The following IL1RAP variants were observed in gnomAD, a reference collection of about 807,000 sequenced individuals.
The protein encoded by IL1RAP is interleukin 1 receptor accessory protein, also known as interleukin-1 receptor accessory protein.
In IL1RAP, 35 loss-of-function variants were observed where a neutral mutation model predicts 60.7. The observed-to-expected ratio is 0.58, with a 90% CI of 0.44 to 0.76. IL1RAP has a LOEUF of 0.76. Among genes scored for constraint, IL1RAP ranks in the 30% least tolerant of loss-of-function variants. IL1RAP has a pLI of 0.00. For missense variants in IL1RAP, 572 were observed against 693.9 expected, an observed-to-expected ratio of 0.82 and a Z score of 1.97; for synonymous variants, 268 against 250.9, an observed-to-expected ratio of 1.07 and a Z score of -0.64.
In IL1RAP at chr3:190,609,009, G is replaced by A. The variant is rs1462324618; in HGVS notation, c.365G>A (p.Cys122Tyr). The change falls in exon 5 of 12, where the codon TGC becomes TAC. Residue 122 changes from cysteine (C) to tyrosine (Y), a missense_variant. Transcript: ENST00000447382. ...YTCMLRNTTY[C>Y]SKVAFPLEVV... ...TCTTTTTTCAGGAACACTACATATT[G>A]CAGCAAAGTTGCATTTCCCTTGGAA... is the stretch of plus-strand genomic sequence containing the variant. 6.2e-7 allele frequency: 1 copy of A among 1,612,604 alleles called. No homozygotes were observed.
chr3:190,601,392 A>G (rs149996832), intron 3 of IL1RAP, among the ~76,000 whole-genome samples: 1 of 152,372 alleles, frequency 6.6e-6, no homozygotes, highest in East Asian at 1.9e-4. Flanking sequence ...ACAAGTGTGC[A>G]TTGATGTGAA....
chr3:190,597,575 C>T (rs1433861632), intron 3 of IL1RAP, among the ~76,000 whole-genome samples: 1 of 152,142 alleles, frequency 6.6e-6, no homozygotes, highest in African/African-American at 2.4e-5. Context: ...CTGGGGATTT[C>T]AGGCTCTACA....
chr3:190,558,507 T>A lies in IL1RAP; in HGVS notation c.-2+2291T>A, dbSNP rs147820621. Among the ~76,000 whole-genome samples the A allele has an allele frequency of 3.9e-3, 587 of 152,302 alleles. 1 individual carries two copies. The highest frequency in any genetic ancestry group is 0.014 in the Middle Eastern group (4 of 294). ...AAAGGTGTATTGTGGTATCTCCTTG[T>A]GGTTTTAATTTGCATTTCCCTGATG... is the stretch of plus-strand genomic sequence containing the variant. On this transcript the variant is annotated intron_variant, in intron 2 of 11. Coordinates refer to ENST00000447382, the MANE Select transcript of IL1RAP (RefSeq NM_002182.4).
intron 3 of IL1RAP, among the ~76,000 whole-genome samples, chr3:190,589,264 C>T (rs543321335): frequency 1.1e-4 from 17 of 152,290 alleles, no homozygotes; most frequent in Middle Eastern, 6.8e-3. Context: ...CCACTAAAAA[C>T]CTAGCCACTC....
intron 3 of IL1RAP, among the ~76,000 whole-genome samples, chr3:190,566,418 G>A (rs914022400): frequency 3.3e-5 from 5 of 152,106 alleles, no homozygotes; most frequent in African/African-American, 4.8e-5. Flanking sequence ...GCTAATGAGT[G>A]CTGGTGCCTT....
In IL1RAP at chr3:190,643,245, A is replaced by G. The variant is rs990249098; in HGVS notation, c.1052-1003A>G. On this transcript the variant is annotated intron_variant, in intron 9 of 11. Transcript: ENST00000447382. ...CAGGTTTCAATAAAAATTTTATTCTATAAAAGCTTATATAAAATAATGATA... is the reference window on the plus strand; with the variant it reads ...CAGGTTTCAATAAAAATTTTATTCTGTAAAAGCTTATATAAAATAATGATA... 5.3e-5 allele frequency among the ~76,000 whole-genome samples: 8 copies of G among 152,210 alleles called. No homozygotes were observed. In the East Asian group the frequency reaches 1.2e-3, roughly 22 times the overall value.
chr3:190,629,285 T>G, intron 8 of IL1RAP, 65 bp from the exon 9 acceptor site: 1 of 1,224,288 alleles, frequency 8.2e-7, no homozygotes, highest in Non-Finnish European at 1.1e-6. Flanking sequence ...CTTGTCTGAT[T>G]CCTACACAGT....
intron 5 of IL1RAP, among the ~76,000 whole-genome samples, chr3:190,616,882 T>C (rs774380972): frequency 1.3e-5 from 2 of 152,186 alleles, no homozygotes; most frequent in African/African-American, 2.4e-5. Context: ...CACGCAGATA[T>C]GGAACTTAAA....
At chr3:190,524,513 G>A (rs1722344350) in intron 1 of IL1RAP, among the ~76,000 whole-genome samples, 1 of 152,134 alleles carries the variant, frequency 6.6e-6, no homozygotes, top group Admixed American at 6.5e-5. Flanking sequence ...TACGTATGAT[G>A]TAAGGAAGGG....
rs763802602 is a variant in IL1RAP, at chr3:190,604,320, G to A, written c.257G>A (p.Arg86His). ...DRDLEEPINF[R>H]LPENRISKEK... ...GACCTTGAGGAGCCAATTAACTTCC[G>A]CCTCCCCGAGAACCGCATTAGTAAG... The change falls in exon 4 of 12, where the codon CGC becomes CAC. Residue 86 changes from arginine to histidine, a missense_variant. Physicochemically the swap from Arg to His is conservative, Grantham distance 29 (BLOSUM62 0). Transcript: ENST00000447382. The A allele has an allele frequency of 1.6e-5, 26 of 1,613,780 alleles. No homozygotes were observed. Among genetic ancestry groups the A allele is most frequent in the Non-Finnish European group, 2.2e-5 (26 of 1,179,952 alleles).
chr3:190,603,237 T>C (rs1363124335), intron 3 of IL1RAP, among the ~76,000 whole-genome samples: 5 of 152,198 alleles, frequency 3.3e-5, no homozygotes, highest in African/African-American at 1.2e-4. Context: ...TCCAGACTTT[T>C]CAAGTGATCG....
intron 1 of IL1RAP, among the ~76,000 whole-genome samples, chr3:190,529,479 A>G (rs900534285): frequency 1.3e-5 from 2 of 151,326 alleles, no homozygotes; most frequent in African/African-American, 2.4e-5. Context: ...CGAGGTCAAG[A>G]GATCAAGACC....
rs1734325758 is a variant in IL1RAP at position 190,650,431 on chromosome 3, G to C, written c.*1726G>C. On this transcript the variant is annotated 3_prime_UTR_variant, in exon 12 of 12. Coordinates refer to ENST00000447382, the MANE Select transcript of IL1RAP (RefSeq NM_002182.4). Reference sequence around the variant, plus strand: ...CAGACACATTTAGAAACTAAGCTATGTTAACCTCAGTGCTCAACTATTTGA... The same window carrying C: ...CAGACACATTTAGAAACTAAGCTATCTTAACCTCAGTGCTCAACTATTTGA... 1 of 984,478 alleles carries C rather than the reference G, an allele frequency of 1.0e-6. No homozygotes were observed. Among genetic ancestry groups the C allele is most frequent in the South Asian group, 4.7e-5 (1 of 21,266 alleles). 61.0% of individuals were successfully genotyped at this position (984,478 alleles called of 1,614,324 possible).
At chr3:190,634,746 C>CG (rs1733079003) in intron 9 of IL1RAP, among the ~76,000 whole-genome samples, 1 of 136,830 alleles carries the variant, frequency 7.3e-6, no homozygotes, top group Non-Finnish European at 1.5e-5. Flanking sequence ...GAAGGAGTCT[C>CG]GCTCTTTCGC....
chr3:190,608,735 A>G (rs748215248), intron 4 of IL1RAP, among the ~76,000 whole-genome samples: 3 of 152,202 alleles, frequency 2.0e-5, no homozygotes, highest in East Asian at 1.9e-4. Context: ...ATTTATATAC[A>G]CTGACAAACA....
chr3:190,635,139 G>T lies in IL1RAP; in HGVS notation c.1051+5641G>T, dbSNP rs1164947610. Among the ~76,000 whole-genome samples the T allele has an allele frequency of 2.0e-5, 3 of 151,994 alleles. No homozygotes were observed. The South Asian group carries it at 6.2e-4, about 31-fold the overall frequency. ...CATTTTTTTCCATTTCATCTAAGTT[G>T]TCACATTATTGGCATACTTTTCTTT... On this transcript the variant is annotated intron_variant, in intron 9 of 11. Coordinates refer to ENST00000447382, the MANE Select transcript of IL1RAP (RefSeq NM_002182.4).
intron 1 of IL1RAP, chr3:190,550,383 G>A (rs1295639141): frequency 6.6e-6 from 1 of 152,184 alleles, no homozygotes; most frequent in Non-Finnish European, 1.5e-5. Flanking sequence ...GGACAATAAT[G>A]TGTCTCATGG....
At chr3:190,656,576 T>C (rs1338422609) in exon 12 of IL1RAP, 1 of 1,532,130 alleles carries the variant, frequency 6.5e-7, no homozygotes, top group Non-Finnish European at 8.7e-7. Flanking sequence ...TTCACGGACT[T>C]ATCCAATAAC....
chr3:190,529,786 G>A (rs1468699778), intron 1 of IL1RAP, among the ~76,000 whole-genome samples: 12 of 151,434 alleles, frequency 7.9e-5, no homozygotes, highest in African/African-American at 1.9e-4. Context: ...TCCGGGAGGC[G>A]GAGGTTGCAG....
Sources: gnomAD v4.1 joint callset for allele counts (sites outside exome capture counted in the v4.1 genomes callset) on GRCh38, gnomAD v4.1.1 for gene constraint, MANE v1.5 for transcripts, NCBI Gene and HGNC (gene_info 2026-07-23, HGNC 2026-07-21) for gene names.